The following ARHGAP26 variants were observed in gnomAD, a reference collection of about 807,000 sequenced individuals.
The protein encoded by ARHGAP26 is rho GTPase-activating protein 26.
ARHGAP26 carries 38 observed loss-of-function variants against 104.8 expected under a neutral mutation model. That is an observed-to-expected ratio of 0.36 (90% CI 0.28 to 0.48). The LOEUF (loss-of-function observed/expected upper bound fraction) is 0.48. Among genes scored for constraint, ARHGAP26 ranks in the 20% least tolerant of loss-of-function variants. ARHGAP26 has a pLI of 0.99. For missense variants in ARHGAP26, 704 were observed against 947.9 expected (o/e 0.74, Z 3.38); for synonymous variants, 341 against 340.0 (o/e 1.00, Z -0.03).
Position 142,873,396 on chromosome 5 carries a change from CT to C in ARHGAP26, c.155-3del, listed in dbSNP as rs1561993384. 1 of 1,590,094 alleles carries C rather than the reference CT, an allele frequency of 6.3e-7. No homozygotes were observed. Among genetic ancestry groups the C allele is most frequent in the Admixed American group, 1.9e-5 (1 of 52,964 alleles). On this transcript the variant is annotated splice_polypyrimidine_tract_variant and splice_region_variant and intron_variant, in intron 1 of 22. Coordinates refer to ENST00000645722, the MANE Select transcript of ARHGAP26 (RefSeq NM_001135608.3). ...CCTGATTTTTCCTGTCTTTTTCTTG[CT>C]AGATTTGTCTTCAGCGAAGCGGAAG...
At chr5:143,137,524 C>T (rs1798036621) in intron 19 of ARHGAP26, among the ~76,000 whole-genome samples, 1 of 152,246 alleles carries the variant, frequency 6.6e-6, no homozygotes, top group South Asian at 2.1e-4. Flanking sequence ...GGCACACATG[C>T]ACCCATAGGC....
At chr5:143,061,226 T>G (rs1172492614) in intron 17 of ARHGAP26, among the ~76,000 whole-genome samples, 2 of 152,218 alleles carry the variant, frequency 1.3e-5, no homozygotes, top group Admixed American at 6.5e-5. Context: ...TCTGTTATTT[T>G]TATCAGGTGG....
intron 20 of ARHGAP26, among the ~76,000 whole-genome samples, chr5:143,154,632 A>T (rs1451601844): frequency 6.6e-6 from 1 of 152,102 alleles, no homozygotes; most frequent in Non-Finnish European, 1.5e-5. Flanking sequence ...GCTTTAAGTG[A>T]TCAGTGAAGA....
At chr5:142,960,457 G>T (rs1275977411) in intron 11 of ARHGAP26, among the ~76,000 whole-genome samples, 2 of 152,238 alleles carry the variant, frequency 1.3e-5, no homozygotes, top group Non-Finnish European at 2.9e-5. Context: ...GTAGCATGAT[G>T]AAATCGCCCA....
chr5:142,859,057 T>C (rs1304459938), intron 1 of ARHGAP26, among the ~76,000 whole-genome samples: 3 of 152,154 alleles, frequency 2.0e-5, no homozygotes, highest in South Asian at 2.1e-4. Context: ...TTGTAGACCT[T>C]GGTTGGATTT....
chr5:143,189,272 G>A (rs1805566818), intron 20 of ARHGAP26, among the ~76,000 whole-genome samples: 1 of 152,102 alleles, frequency 6.6e-6, no homozygotes, highest in African/African-American at 2.4e-5. Flanking sequence ...CAGAAATGGG[G>A]GTTAGCTTTG....
chr5:143,200,339 G>A (rs1434320487), intron 20 of ARHGAP26, among the ~76,000 whole-genome samples: 2 of 152,148 alleles, frequency 1.3e-5, no homozygotes, highest in Non-Finnish European at 2.9e-5. Context: ...AGGAATTTAT[G>A]CTAAGGAAAC....
At chr5:143,133,641 T>G (rs1332281580) in intron 18 of ARHGAP26, among the ~76,000 whole-genome samples, 3 of 152,244 alleles carry the variant, frequency 2.0e-5, no homozygotes. Context: ...CAAGTGCTGT[T>G]AACAGACAGT....
At chr5:143,169,724 C>G (rs1267561920) in intron 20 of ARHGAP26, 1 of 152,190 alleles carries the variant, frequency 6.6e-6, no homozygotes, top group African/African-American at 2.4e-5. Context: ...CCAAGGCACA[C>G]GGACTCTGCG....
chr5:143,054,809 TC>T (rs1020965102), intron 15 of ARHGAP26, among the ~76,000 whole-genome samples: 6 of 152,330 alleles, frequency 3.9e-5, no homozygotes, highest in African/African-American at 1.4e-4. Context: ...AATGGGGTCT[TC>T]CCCGAAGTCC....
intron 14 of ARHGAP26, among the ~76,000 whole-genome samples, chr5:143,043,148 C>T (rs1449809833): frequency 6.6e-6 from 1 of 152,206 alleles, no homozygotes. Flanking sequence ...AGAACACTTC[C>T]ATCACTAAAA....
chr5:142,963,660 G>A (rs1770785900), intron 11 of ARHGAP26, among the ~76,000 whole-genome samples: 1 of 152,090 alleles, frequency 6.6e-6, no homozygotes, highest in South Asian at 2.1e-4. Flanking sequence ...TGCCTTCTCA[G>A]AGAGGTGATT....
At chr5:143,176,253 G>C (rs1445278268) in intron 20 of ARHGAP26, among the ~76,000 whole-genome samples, 4 of 152,234 alleles carry the variant, frequency 2.6e-5, no homozygotes, top group Non-Finnish European at 4.4e-5. Context: ...CATGATGCCT[G>C]TGTAGTGAGC....
rs145074095 is a variant in ARHGAP26, at chr5:143,223,083, C to A, written c.*637C>A. ...CAGTCTTCTCATGCACGGGAACACA[C>A]ACACCCTGCGTTTCTCCCTCCCAGG... On this transcript the variant is annotated 3_prime_UTR_variant, in exon 23 of 23. Transcript: ENST00000645722. The A allele has an allele frequency of 7.1e-4, 166 of 233,634 alleles. 1 individual carries two copies. The highest frequency in any genetic ancestry group is 3.4e-3 in the African/African-American group (154 of 45,460). 14.5% of individuals were successfully genotyped at this position (233,634 alleles called of 1,614,324 possible). A position where few individuals can be genotyped will look rare whatever the true frequency, so the allele number is the denominator to read the frequency against.
intron 17 of ARHGAP26, among the ~76,000 whole-genome samples, chr5:143,106,619 CG>C: frequency 6.6e-6 from 1 of 151,766 alleles, no homozygotes; most frequent in Non-Finnish European, 1.5e-5. Flanking sequence ...ACTACAGGCA[CG>C]TGGCACCACG....
intron 11 of ARHGAP26, among the ~76,000 whole-genome samples, chr5:143,001,969 C>T (rs190767114): frequency 9.7e-4 from 147 of 152,236 alleles, no homozygotes; most frequent in African/African-American, 3.4e-3. Flanking sequence ...CTGTTTGTGG[C>T]AAGGGAAGAA....
intron 11 of ARHGAP26, among the ~76,000 whole-genome samples, chr5:142,952,352 G>A (rs533377884): frequency 4.6e-5 from 7 of 152,270 alleles, no homozygotes; most frequent in African/African-American, 1.7e-4. Flanking sequence ...TCTAACTGGG[G>A]AGGTTTCTCT....
intron 18 of ARHGAP26, among the ~76,000 whole-genome samples, chr5:143,124,805 AG>A (rs1241642857): frequency 6.6e-6 from 1 of 152,178 alleles, no homozygotes; most frequent in Non-Finnish European, 1.5e-5. Flanking sequence ...CAGGCGTGGG[AG>A]GATTGTTGAC....
chr5:143,205,646 A>G (rs1808444472), intron 20 of ARHGAP26, among the ~76,000 whole-genome samples: 1 of 152,228 alleles, frequency 6.6e-6, no homozygotes, highest in South Asian at 2.1e-4. Context: ...CGCTGGCTGC[A>G]GGAGCCCTGG....
Sources: allele counts gnomAD v4.1 joint callset (sites outside exome capture counted in the v4.1 genomes callset), GRCh38; gene constraint gnomAD v4.1.1; transcripts MANE v1.5; gene names NCBI Gene and HGNC (gene_info 2026-07-23, HGNC 2026-07-21).